TPP2: variants seen among roughly 807,000 people sequenced by gnomAD.
TPP2 encodes tripeptidyl peptidase 2.
A neutral mutation model predicts 155.9 loss-of-function variants in TPP2; 34 were observed. The observed-to-expected ratio is 0.22, with a 90% confidence interval of 0.17 to 0.29. The LOEUF (loss-of-function observed/expected upper bound fraction) is 0.29. Among genes scored for constraint, TPP2 ranks in the 10% least tolerant of loss-of-function variants. The pLI, the probability that TPP2 is intolerant of heterozygous loss-of-function variation, is 1.00. For synonymous variants in TPP2, 510 were observed against 529.4 expected, an observed-to-expected ratio of 0.96 and a Z score of 0.50; for missense variants, 1,028 against 1,522.3, an observed-to-expected ratio of 0.68 and a Z score of 5.40.
At position 102,656,886 on chromosome 13, in the gene TPP2, A is replaced by G. The variant is rs658455; in HGVS notation, c.2992-170A>G. 0.48 allele frequency: 240,872 copies of G among 504,328 alleles called. 58,476 individuals are homozygous for G. Among genetic ancestry groups the G allele is most frequent in the African/African-American group, 0.6 (29,431 of 49,194 alleles). The allele number at this position is 504,328 out of a possible 1,614,324, so 31.2% of individuals were successfully genotyped here. A position where few individuals can be genotyped will look rare whatever the true frequency, so the allele number is the denominator to read the frequency against. On this transcript the variant is annotated intron_variant, in intron 24 of 29. Coordinates refer to ENST00000376052, the MANE Select transcript of TPP2 (RefSeq NM_001330588.2). ...CTCAGCATCAGTTTGTGAGAAAATT[A>G]CTGTGACCAGAGATTGGAATTTTTG...
At chr13:102,598,295 A>G (rs1046946273) in intron 1 of TPP2, among the ~76,000 whole-genome samples, 1 of 152,076 alleles carries the variant, frequency 6.6e-6, no homozygotes, top group Non-Finnish European at 1.5e-5. Flanking sequence ...TTTCTACACT[A>G]AACACTCATC....
rs199620677 is a variant in TPP2 at position 102,596,994 on chromosome 13, C to T, written c.-45C>T. ...GGTGTCCTCGCGCTGCTAGTCCGCG[C>T]GCAGCCTGGCAGTTTGCCGCTTCCT... On this transcript the variant is annotated 5_prime_UTR_variant, in exon 1 of 30. Transcript: ENST00000376052. 1.4e-4 allele frequency: 218 copies of T among 1,597,832 alleles called. 1 individual carries two copies. In the African/African-American group the frequency reaches 2.7e-3, roughly 20 times the overall value.
chr13:102,638,743 G>C (rs1309993450), intron 15 of TPP2, among the ~76,000 whole-genome samples: 1 of 151,636 alleles, frequency 6.6e-6, no homozygotes, highest in Non-Finnish European at 1.5e-5. Context: ...TACTGTAGAA[G>C]CAGAAGTTAA....
chr13:102,600,427 C>T (rs887849790), intron 1 of TPP2, among the ~76,000 whole-genome samples: 2 of 149,330 alleles, frequency 1.3e-5, no homozygotes, highest in Non-Finnish European at 3.0e-5. Context: ...TGTGTGTTTG[C>T]CATTGTGTTA....
At chr13:102,646,429 CT>C (rs1368456874) in intron 20 of TPP2, 39 bp downstream of exon 20, 2 of 1,510,174 alleles carry the variant, frequency 1.3e-6, no homozygotes, top group African/African-American at 1.4e-5. Flanking sequence ...TTAGGATGAA[CT>C]TTTGTGTTTT....
In TPP2 at chr13:102,645,004, A is replaced by G. The variant is rs753411331; in HGVS notation, c.2388A>G (p.Thr796=). 3.1e-6 allele frequency: 5 copies of G among 1,613,474 alleles called. No homozygotes were observed. The highest frequency in any genetic ancestry group is 1.7e-4 in the Middle Eastern group (1 of 6,054). Residue 796 remains threonine (T), a synonymous_variant, in exon 19 of 30, where the codon ACA becomes ACG. Transcript: ENST00000376052. ...PCITLKNWVQ[T]LRPVSAKTKP... ...TAACTTTGAAGAACTGGGTCCAAAC[A>G]CTGCGGTATCATTCAATGTTTTAGG...
intron 24 of TPP2, among the ~76,000 whole-genome samples, chr13:102,652,397 C>CATATATAT (rs10530428): frequency 2.8e-4 from 35 of 125,506 alleles, no homozygotes; most frequent in Non-Finnish European, 5.1e-4. Flanking sequence ...AACATACATA[C>CATATATAT]ATATATATAT....
At chr13:102,673,445 C>A (rs1885104987) in intron 27 of TPP2, among the ~76,000 whole-genome samples, 1 of 152,160 alleles carries the variant, frequency 6.6e-6, no homozygotes, top group South Asian at 2.1e-4. Context: ...GACAGAATGC[C>A]TCAAATAAGC....
At position 102,616,515 on chromosome 13, in the gene TPP2, A is replaced by G. The variant is rs1880746821; in HGVS notation, c.495+15A>G. On this transcript the variant is annotated intron_variant, in intron 4 of 29. Coordinates refer to ENST00000376052, the MANE Select transcript of TPP2 (RefSeq NM_001330588.2). The stretch of plus-strand genomic sequence containing the variant: ...GCTCTTCTCAAGTTGGTGCTAGTCG[A>G]TTTCATTTAAACATTACCCTAGAAC... 10 of 1,598,016 alleles carry G rather than the reference A, an allele frequency of 6.3e-6. No individual in the cohort carries two copies. Among genetic ancestry groups the G allele is most frequent in the Non-Finnish European group, 8.5e-6 (10 of 1,169,790 alleles).
intron 1 of TPP2, among the ~76,000 whole-genome samples, chr13:102,601,475 A>G (rs1879424522): frequency 1.3e-5 from 2 of 152,214 alleles, no homozygotes; most frequent in Admixed American, 1.3e-4. Context: ...TACATTGAAG[A>G]CATACACTAA....
intron 2 of TPP2, chr13:102,607,560 C>G (rs1879934501): frequency 2.9e-6 from 1 of 345,012 alleles, no homozygotes; most frequent in Non-Finnish European, 6.1e-6. Flanking sequence ...AGGCTTAGAG[C>G]CATATAAAGT....
intron 6 of TPP2, among the ~76,000 whole-genome samples, chr13:102,623,677 C>T (rs949151586): frequency 3.9e-5 from 6 of 152,202 alleles, no homozygotes; most frequent in East Asian, 3.9e-4. Context: ...ATCCTCACTA[C>T]GGCACTCTGT....
At chr13:102,638,200 T>G in intron 14 of TPP2, 39 bp from the exon 15 acceptor site, 8 of 1,576,236 alleles carry the variant, frequency 5.1e-6, no homozygotes, top group Non-Finnish European at 7.0e-6. Flanking sequence ...TTTAAACATT[T>G]GTTTATGGAT....
intron 23 of TPP2, among the ~76,000 whole-genome samples, chr13:102,650,018 T>C (rs929136137): frequency 2.6e-5 from 4 of 152,164 alleles, no homozygotes; most frequent in African/African-American, 9.6e-5. Context: ...ATATGAGATG[T>C]TTCTTTTGGT....
At chr13:102,661,800 G>A (rs928777393) in intron 25 of TPP2, among the ~76,000 whole-genome samples, 36 of 152,150 alleles carry the variant, frequency 2.4e-4, no homozygotes, top group African/African-American at 8.4e-4. Context: ...TGTGGACAAA[G>A]CAGAATCCTC....
intron 2 of TPP2, among the ~76,000 whole-genome samples, chr13:102,608,901 T>C (rs1880053549): frequency 6.6e-6 from 1 of 152,150 alleles, no homozygotes. Context: ...CAAGAAAAGG[T>C]GATTGGAAGC....
At chr13:102,605,209 T>A (rs1879729994) in intron 2 of TPP2, among the ~76,000 whole-genome samples, 1 of 152,204 alleles carries the variant, frequency 6.6e-6, no homozygotes, top group South Asian at 2.1e-4. Flanking sequence ...AGGGGAAGTT[T>A]GTTTCCAAGC....
intron 1 of TPP2, 137 bp downstream of exon 1, chr13:102,597,340 G>A: frequency 2.1e-6 from 1 of 475,524 alleles, no homozygotes; most frequent in Non-Finnish European, 3.4e-6. Flanking sequence ...CACCGGGGTG[G>A]GCAGAGGTCA....
chr13:102,641,077 T>C (rs1290096291), intron 16 of TPP2, among the ~76,000 whole-genome samples: 1 of 152,244 alleles, frequency 6.6e-6, no homozygotes, highest in Non-Finnish European at 1.5e-5. Flanking sequence ...AGATTTTCAC[T>C]TCAGTGTCTC....
Sources: allele counts gnomAD v4.1 joint callset (sites outside exome capture counted in the v4.1 genomes callset), GRCh38; gene constraint gnomAD v4.1.1; transcripts MANE v1.5; gene names NCBI Gene and HGNC (gene_info 2026-07-23, HGNC 2026-07-21).